ADCY7: variants seen among roughly 807,000 people sequenced by gnomAD.
ADCY7 encodes adenylate cyclase type 7.
Under a neutral mutation model 120.6 loss-of-function variants are expected in ADCY7, and 72 were observed. That is an observed-to-expected ratio of 0.60 (90% CI 0.49 to 0.73). The LOEUF (loss-of-function observed/expected upper bound fraction) is 0.73. ADCY7 is among the 30% of genes least tolerant of loss of function. The probability of loss-of-function intolerance (pLI) is 0.00; values close to 1 mark genes in which losing one functional copy is unlikely to be tolerated. For synonymous variants in ADCY7, 661 were observed against 628.0 expected (o/e 1.05, Z -0.78); for missense variants, 1,227 against 1,486.0 (o/e 0.83, Z 2.87).
chr16:50,264,871 C>T (rs543837145), upstream of ADCY7, among the ~76,000 whole-genome samples: 76 of 132,456 alleles, frequency 5.7e-4, no homozygotes, highest in South Asian at 0.019. Flanking sequence ...GAGTCTCACT[C>T]TGTTGCCCAG....
chr16:50,302,959 T>C (rs547561051), intron 10 of ADCY7, among the ~76,000 whole-genome samples: 19 of 152,346 alleles, frequency 1.2e-4, no homozygotes, highest in African/African-American at 4.1e-4. Context: ...GGTGGGCTCC[T>C]GTGGACTGGA....
At chr16:50,259,160 C>G (rs934170156) in intron 1 of ADCY7, among the ~76,000 whole-genome samples, 4 of 152,194 alleles carry the variant, frequency 2.6e-5, no homozygotes, top group African/African-American at 9.7e-5. Context: ...CTAGTGATAA[C>G]TCCTAAGATT....
At position 50,308,658 on chromosome 16, in the gene ADCY7, AC is replaced by A; in HGVS notation, c.1936-5del. On this transcript the variant is annotated splice_polypyrimidine_tract_variant and splice_region_variant and intron_variant, in intron 16 of 25. Transcript: ENST00000673801. The stretch of plus-strand genomic sequence containing the variant: ...TGGCTCTGGGTGACTTGACCCTGTT[AC>A]CCCACAGAGGTGCTGCCCAGCTCGG... The A allele has an allele frequency of 6.2e-7, 1 of 1,606,544 alleles. No homozygotes were observed. The highest frequency in any genetic ancestry group is 2.2e-5 in the East Asian group (1 of 44,762).
At chr16:50,306,498 C>T (rs1310630924) in intron 14 of ADCY7, among the ~76,000 whole-genome samples, 4 of 150,262 alleles carry the variant, frequency 2.7e-5, no homozygotes, top group South Asian at 2.1e-4. Context: ...TGGCCAGGGC[C>T]GCCGAGCCTG....
At chr16:50,250,928 A>G (rs2150777161) in intron 1 of ADCY7, among the ~76,000 whole-genome samples, 1 of 152,326 alleles carries the variant, frequency 6.6e-6, no homozygotes, top group East Asian at 1.9e-4. Context: ...GTATTTCAAA[A>G]TACAGCTTTA....
At chr16:50,309,424 C>A in intron 17 of ADCY7, 124 bp from the exon 18 acceptor site, 2 of 756,554 alleles carry the variant, frequency 2.6e-6, no homozygotes, top group Non-Finnish European at 2.2e-6. Flanking sequence ...GTGCTCAGAG[C>A]TGATCCCAAC....
chr16:50,268,297 G>A (rs2033344452), intron 1 of ADCY7, among the ~76,000 whole-genome samples: 1 of 152,028 alleles, frequency 6.6e-6, no homozygotes, highest in Non-Finnish European at 1.5e-5. Context: ...TAAAGACGGG[G>A]TTTCACCATG....
chr16:50,263,647 C>G (rs746302895), upstream of ADCY7, among the ~76,000 whole-genome samples: 4 of 152,114 alleles, frequency 2.6e-5, no homozygotes, highest in East Asian at 1.9e-4. Flanking sequence ...GGGAACCCCC[C>G]TCCTGTGTCC....
intron 1 of ADCY7, among the ~76,000 whole-genome samples, chr16:50,261,229 A>G (rs2033049387): frequency 6.6e-6 from 1 of 152,120 alleles, no homozygotes; most frequent in African/African-American, 2.4e-5. Context: ...CTCTGTGGAG[A>G]GGTCTATGGC....
In ADCY7 at chr16:50,300,716, C is replaced by T. The variant is rs1338324639; in HGVS notation, c.1078C>T (p.Gln360Ter). Residue 360 changes from glutamine (Q) to a stop codon, truncating the protein, a stop_gained and splice_region_variant, in exon 9 of 26, where the codon CAG becomes TAG. Coordinates refer to ENST00000673801, the MANE Select transcript of ADCY7 (RefSeq NM_001114.5). LOFTEE classifies it high-confidence loss of function. ...GGTGACTGGGCCACTCTGCCCCAGG[C>T]AGGTGCGGGAGGCCACGGGCGTGGA... is the stretch of plus-strand genomic sequence containing the variant. ...MGLDMCQAIK[Q>*]VREATGVDIN... The T allele has an allele frequency of 1.3e-6, 2 of 1,551,592 alleles. No homozygotes were observed. The highest frequency in any genetic ancestry group is 4.9e-5 in the East Asian group (2 of 40,924).
upstream of ADCY7, among the ~76,000 whole-genome samples, chr16:50,245,558 A>G (rs1023471706): frequency 4.6e-5 from 7 of 152,080 alleles, no homozygotes; most frequent in African/African-American, 1.7e-4. Context: ...AGGGATCACA[A>G]CGAGGTTACA....
At chr16:50,303,261 G>C (rs144327469) in intron 10 of ADCY7, among the ~76,000 whole-genome samples, 1 of 152,212 alleles carries the variant, frequency 6.6e-6, no homozygotes, top group Non-Finnish European at 1.5e-5. Context: ...GACACTCACC[G>C]AGGCTGAATT....
intron 12 of ADCY7, 137 bp downstream of exon 12, chr16:50,305,096 C>A: frequency 9.0e-7 from 1 of 1,115,830 alleles, no homozygotes. Context: ...GGGCTTGGGT[C>A]AAAGCATTTC....
In ADCY7 at chr16:50,315,070, G is replaced by A; in HGVS notation, c.3028G>A (p.Asp1010Asn). ...GVIGARKPQY[D>N]IWGNTVNVAS... ...GATTGGGGCCCGAAAACCTCAGTAT[G>A]ACATCTGGGGAAACACTGTCAATGT... The change falls in exon 25 of 26, where the codon GAC (aspartate) becomes AAC (asparagine). Residue 1010 changes from aspartate to asparagine, a missense_variant. Asp to Asn is a conservative substitution (Grantham distance 23). Transcript: ENST00000673801. The A allele has an allele frequency of 6.2e-7, 1 of 1,614,230 alleles. No individual in the cohort carries two copies. The highest frequency in any genetic ancestry group is 8.5e-7 in the Non-Finnish European group (1 of 1,180,044).
chr16:50,292,907 A>G (rs2035086082), intron 5 of ADCY7, 82 bp downstream of exon 5: 5 of 1,534,700 alleles, frequency 3.3e-6, no homozygotes, highest in Non-Finnish European at 4.4e-6. Flanking sequence ...TCATGCTGCC[A>G]TGTGCATGAG....
At chr16:50,306,334 G>C (rs183656616) in intron 14 of ADCY7, among the ~76,000 whole-genome samples, 111 of 152,286 alleles carry the variant, frequency 7.3e-4, no homozygotes, top group South Asian at 2.5e-3. Context: ...CCAGCCCAGG[G>C]GTGCTGCTAT....
intron 1 of ADCY7, among the ~76,000 whole-genome samples, chr16:50,282,459 GA>G (rs2034332664): frequency 2.6e-5 from 4 of 152,168 alleles, no homozygotes; most frequent in Admixed American, 2.6e-4. Context: ...AGGGATAAGG[GA>G]GTGTGTGTGG....
chr16:50,275,115 T>A (rs2033801883), intron 1 of ADCY7, among the ~76,000 whole-genome samples: 1 of 152,210 alleles, frequency 6.6e-6, no homozygotes, highest in Admixed American at 6.5e-5. Flanking sequence ...GCTTCCCAGC[T>A]GAAAACTGCC....
chr16:50,315,041 G>A lies in ADCY7; in HGVS notation c.2999G>A (p.Gly1000Glu). The A allele has an allele frequency of 1.2e-6, 2 of 1,614,230 alleles. No individual in the cohort carries two copies. Among genetic ancestry groups the A allele is most frequent in the Non-Finnish European group, 1.7e-6 (2 of 1,180,038 alleles). Reference sequence around the variant, plus strand: ...ATAAACCATGGGCCTGTGATTGCTGGAGTGATTGGGGCCCGAAAACCTCAG... The same window carrying A: ...ATAAACCATGGGCCTGTGATTGCTGAAGTGATTGGGGCCCGAAAACCTCAG... ...VGINHGPVIA[G>E]VIGARKPQYD... is the part of the protein sequence containing the mutation. The change falls in exon 25 of 26, where the codon GGA becomes GAA. Residue 1000 changes from glycine to glutamate, a missense_variant. Transcript: ENST00000673801.
Sources: allele counts gnomAD v4.1 joint callset (sites outside exome capture counted in the v4.1 genomes callset), GRCh38; gene constraint gnomAD v4.1.1; transcripts MANE v1.5; gene names NCBI Gene and HGNC (gene_info 2026-07-23, HGNC 2026-07-21).